The following SORCS3 variants were observed in gnomAD, a reference collection of about 807,000 sequenced individuals.
SORCS3 encodes sortilin related VPS10 domain containing receptor 3.
In SORCS3, 57 loss-of-function variants were observed where a neutral mutation model predicts 146.3. That is an observed-to-expected ratio of 0.39 (90% CI 0.31 to 0.49). SORCS3 has a LOEUF of 0.49. Among genes scored for constraint, SORCS3 ranks in the 20% least tolerant of loss-of-function variants. The pLI, the probability that SORCS3 is intolerant of heterozygous loss-of-function variation, is 0.92. For missense variants in SORCS3, 1,341 were observed against 1,575.5 expected, an observed-to-expected ratio of 0.85 and a Z score of 2.52; for synonymous variants, 653 against 618.5, an observed-to-expected ratio of 1.06 and a Z score of -0.83.
chr10:104,965,903 A>T (rs983791766), intron 3 of SORCS3, among the ~76,000 whole-genome samples: 2 of 152,084 alleles, frequency 1.3e-5, no homozygotes, highest in African/African-American at 4.8e-5. Flanking sequence ...TAGGGTGGAA[A>T]GGTGGGGAGT....
chr10:104,882,670 A>T (rs773895661), intron 2 of SORCS3, among the ~76,000 whole-genome samples: 1 of 152,126 alleles, frequency 6.6e-6, no homozygotes, highest in African/African-American at 2.4e-5. Context: ...GGCCACTCCT[A>T]TACCCATAAC....
chr10:105,217,163 G>A (rs779439130), intron 19 of SORCS3, 41 bp downstream of exon 19: 1 of 1,604,080 alleles, frequency 6.2e-7, no homozygotes, highest in South Asian at 1.1e-5. Flanking sequence ...TTTGTTCCCA[G>A]TTGGCAACTT....
At chr10:105,125,575 T>C (rs549905212) in intron 7 of SORCS3, among the ~76,000 whole-genome samples, 179 of 152,192 alleles carry the variant, frequency 1.2e-3, no homozygotes, top group Non-Finnish European at 1.9e-3. Flanking sequence ...TCTTATTTGC[T>C]GGAGGCAAGT....
chr10:105,016,941 T>C (rs36053195), intron 4 of SORCS3, among the ~76,000 whole-genome samples: 22,609 of 152,098 alleles, frequency 0.15, 1,844 homozygotes, highest in African/African-American at 0.2. Flanking sequence ...GGGGGAAAGA[T>C]GTATTTAAAC....
chr10:105,244,287 A>T (rs2056853278), intron 20 of SORCS3, among the ~76,000 whole-genome samples: 1 of 151,868 alleles, frequency 6.6e-6, no homozygotes, highest in African/African-American at 2.4e-5. Flanking sequence ...ATATATATAT[A>T]TATAATTAGA....
At chr10:105,251,600 A>G (rs528418249) in intron 22 of SORCS3, among the ~76,000 whole-genome samples, 1 of 151,986 alleles carries the variant, frequency 6.6e-6, no homozygotes, top group Non-Finnish European at 1.5e-5. Flanking sequence ...ACTTTGGAGG[A>G]TGGGGGTATT....
chr10:104,996,597 C>A (rs1021150185), intron 4 of SORCS3, among the ~76,000 whole-genome samples: 1 of 152,130 alleles, frequency 6.6e-6, no homozygotes, highest in African/African-American at 2.4e-5. Context: ...TAGAGCACTT[C>A]ATCTAACACA....
chr10:105,214,125 C>T (rs564704816), intron 17 of SORCS3, among the ~76,000 whole-genome samples: 2 of 152,228 alleles, frequency 1.3e-5, no homozygotes, highest in South Asian at 2.1e-4. Context: ...AGTCTGCCTC[C>T]TCTTTTGTTG....
At chr10:105,228,906 GAA>G (rs2119684934) in intron 20 of SORCS3, among the ~76,000 whole-genome samples, 1 of 152,296 alleles carries the variant, frequency 6.6e-6, no homozygotes, top group East Asian at 1.9e-4. Flanking sequence ...CTAGACTTGG[GAA>G]AAGTTTCAGC....
At chr10:104,720,739 T>G (rs1295453626) in intron 1 of SORCS3, among the ~76,000 whole-genome samples, 1 of 152,248 alleles carries the variant, frequency 6.6e-6, no homozygotes, top group Non-Finnish European at 1.5e-5. Flanking sequence ...ATGATGAGCA[T>G]TTTTCCATGT....
chr10:104,973,422 G>A (rs1254004270), intron 3 of SORCS3, among the ~76,000 whole-genome samples: 1 of 152,068 alleles, frequency 6.6e-6, no homozygotes, highest in Non-Finnish European at 1.5e-5. Flanking sequence ...GTTTAGTCTT[G>A]GGAGGGTGTA....
intron 4 of SORCS3, among the ~76,000 whole-genome samples, chr10:105,032,116 C>T (rs759172284): frequency 1.3e-5 from 2 of 152,060 alleles, no homozygotes; most frequent in East Asian, 1.9e-4. Context: ...CGCTTGAAAC[C>T]GGAAGACAGA....
chr10:104,983,237 G>A (rs1313086528), intron 4 of SORCS3, among the ~76,000 whole-genome samples: 1 of 151,752 alleles, frequency 6.6e-6, no homozygotes, highest in Non-Finnish European at 1.5e-5. Context: ...TTGACCTCAG[G>A]TGATCTGCCC....
intron 19 of SORCS3, among the ~76,000 whole-genome samples, chr10:105,218,154 G>A (rs2056676589): frequency 6.6e-6 from 1 of 152,140 alleles, no homozygotes; most frequent in African/African-American, 2.4e-5. Context: ...CCGGTAAAGG[G>A]ACCAAAAGTG....
chr10:105,183,708 C>T (rs2056457374), intron 14 of SORCS3, among the ~76,000 whole-genome samples: 1 of 152,190 alleles, frequency 6.6e-6, no homozygotes, highest in South Asian at 2.1e-4. Context: ...TGTCGCCAGG[C>T]TTGCCAGCAA....
At chr10:104,681,458 G>T (rs1257650588) in intron 1 of SORCS3, among the ~76,000 whole-genome samples, 8 of 152,278 alleles carry the variant, frequency 5.3e-5, no homozygotes, top group African/African-American at 1.9e-4. Context: ...TCCAAGATGG[G>T]CTTCCAGGGG....
intron 1 of SORCS3, among the ~76,000 whole-genome samples, chr10:104,742,182 G>A (rs1472764926): frequency 1.3e-5 from 2 of 152,098 alleles, no homozygotes; most frequent in African/African-American, 2.4e-5. Context: ...CACCCTAAGA[G>A]GTTCCTTGCT....
At chr10:104,746,371 C>G (rs1006217504) in intron 1 of SORCS3, among the ~76,000 whole-genome samples, 1 of 152,110 alleles carries the variant, frequency 6.6e-6, no homozygotes, top group Non-Finnish European at 1.5e-5. Flanking sequence ...CTCCTGACCT[C>G]GTGATCCGCC....
intron 1 of SORCS3, among the ~76,000 whole-genome samples, chr10:104,828,390 C>T (rs1435614510): frequency 6.6e-6 from 1 of 152,032 alleles, no homozygotes; most frequent in African/African-American, 2.4e-5. Context: ...TGGGGAACAG[C>T]CGATCAGTGG....
Sources: gnomAD v4.1 joint callset for allele counts (sites outside exome capture counted in the v4.1 genomes callset) on GRCh38, gnomAD v4.1.1 for gene constraint, MANE v1.5 for transcripts, NCBI Gene and HGNC (gene_info 2026-07-23, HGNC 2026-07-21) for gene names.